Variants in PEX14 observed in about 807,000 individuals in gnomAD.
PEX14 encodes the protein peroxisomal biogenesis factor 14.
A neutral mutation model predicts 49.5 loss-of-function variants in PEX14; 15 were observed. The ratio of observed to expected loss-of-function variants is 0.30; its 90% confidence interval spans 0.20 to 0.47. PEX14 has a LOEUF of 0.47. Among genes scored for constraint, PEX14 ranks in the 20% least tolerant of loss-of-function variants. PEX14 has a pLI of 1.00. For synonymous variants in PEX14, 210 were observed against 212.7 expected, an observed-to-expected ratio of 0.99 and a Z score of 0.11; for missense variants, 398 against 494.8, an observed-to-expected ratio of 0.80 and a Z score of 1.86.
chr1:10,546,775 A>G (rs1232228234), intron 3 of PEX14, among the ~76,000 whole-genome samples: 1 of 149,932 alleles, frequency 6.7e-6, no homozygotes, highest in Non-Finnish European at 1.5e-5. Context: ...AGGCTGAGGC[A>G]GGAGAATGGC....
chr1:10,530,748 CT>C (rs1638627157), intron 2 of PEX14, among the ~76,000 whole-genome samples: 1 of 152,228 alleles, frequency 6.6e-6, no homozygotes, highest in African/African-American at 2.4e-5. Context: ...TTCTTTCTCC[CT>C]TTGAGGTTGC....
intron 3 of PEX14, among the ~76,000 whole-genome samples, chr1:10,594,019 G>A (rs755076861): frequency 1.3e-5 from 2 of 152,102 alleles, no homozygotes; most frequent in Non-Finnish European, 2.9e-5. Flanking sequence ...TTCCATTACT[G>A]TTAGTTTTTA....
At chr1:10,488,063 C>T (rs1212789466) in intron 1 of PEX14, among the ~76,000 whole-genome samples, 3 of 151,572 alleles carry the variant, frequency 2.0e-5, no homozygotes, top group Non-Finnish European at 4.4e-5. Flanking sequence ...TTTCAGGCAT[C>T]AGCCACTGTG....
At chr1:10,571,984 A>G (rs1296879622) in intron 3 of PEX14, among the ~76,000 whole-genome samples, 3 of 152,152 alleles carry the variant, frequency 2.0e-5, no homozygotes. Context: ...ATCTGGAAAA[A>G]TGGAAACAGA....
At chr1:10,554,133 CAAAAAA>C (rs33963510) in intron 3 of PEX14, among the ~76,000 whole-genome samples, 1 of 111,084 alleles carries the variant, frequency 9.0e-6, no homozygotes, top group Non-Finnish European at 1.8e-5. Flanking sequence ...ACTAAAAATA[CAAAAAA>C]AAAAAAAAAA....
chr1:10,622,894 G>A lies in PEX14; in HGVS notation c.385-125G>A, dbSNP rs560862342. 3.2e-4 allele frequency: 228 copies of A among 712,958 alleles called. 1 individual carries two copies. In the South Asian group the frequency reaches 3.3e-3, roughly 10 times the overall value. The allele number at this position is 712,958 out of a possible 1,614,324, so 44.2% of individuals were successfully genotyped here. ...TTTTCAAATATCTTGTTCATTTATG[G>A]TGTTTGCTTAGGGTTTCCAAAACCC... On this transcript the variant is annotated intron_variant, in intron 5 of 8. Transcript: ENST00000356607.
intron 2 of PEX14, among the ~76,000 whole-genome samples, chr1:10,518,267 A>G (rs1453914227): frequency 2.0e-5 from 3 of 152,150 alleles, no homozygotes; most frequent in East Asian, 1.9e-4. Context: ...GGGAGGGTTA[A>G]GGGTTAGATG....
At chr1:10,581,243 A>G (rs900516920) in intron 3 of PEX14, among the ~76,000 whole-genome samples, 1 of 151,940 alleles carries the variant, frequency 6.6e-6, no homozygotes, top group Non-Finnish European at 1.5e-5. Context: ...TGAGGGCAGA[A>G]TGAAACCTGT....
chr1:10,483,383 C>A (rs187823949), intron 1 of PEX14, among the ~76,000 whole-genome samples: 1 of 152,208 alleles, frequency 6.6e-6, no homozygotes, highest in East Asian at 1.9e-4. Flanking sequence ...GTGGTATGAT[C>A]TCGGCTTACT....
intron 1 of PEX14, among the ~76,000 whole-genome samples, chr1:10,484,193 A>T (rs917808019): frequency 2.0e-5 from 3 of 151,150 alleles, no homozygotes; most frequent in Admixed American, 2.0e-4. Flanking sequence ...ATGGCCGGCT[A>T]ATTGGCTAAT....
At chr1:10,502,216 T>C (rs1165749795) in intron 2 of PEX14, among the ~76,000 whole-genome samples, 2 of 152,154 alleles carry the variant, frequency 1.3e-5, no homozygotes, top group East Asian at 3.8e-4. Context: ...AAGAAAACGT[T>C]TTTAACACTA....
At position 10,495,407 on chromosome 1, in the gene PEX14, C is replaced by A; in HGVS notation, c.84+86C>A. On this transcript the variant is annotated intron_variant, in intron 2 of 8. Coordinates refer to ENST00000356607, the MANE Select transcript of PEX14 (RefSeq NM_004565.3). The surrounding 1 kb of genome is among the most constrained non-coding windows in gnomAD (Gnocchi z 4.2). The stretch of plus-strand genomic sequence containing the variant: ...GAAACCTTCTGTTCCTATGGTTCTG[C>A]GTCAGTAGTGTCCCTTTAAAAGTAG... The A allele has an allele frequency of 1.9e-6, 2 of 1,079,566 alleles. No homozygotes were observed. Among genetic ancestry groups the A allele is most frequent in the Non-Finnish European group, 2.8e-6 (2 of 712,244 alleles). 66.9% of individuals were successfully genotyped at this position (1,079,566 alleles called of 1,614,324 possible). A position where few individuals can be genotyped will look rare whatever the true frequency, so the allele number is the denominator to read the frequency against.
rs1641810567 is a variant in PEX14 at position 10,628,290 on chromosome 1, C to A, written c.677+927C>A. Among the ~76,000 whole-genome samples, 1 of 152,228 alleles carries A rather than the reference C, an allele frequency of 6.6e-6. No individual in the cohort carries two copies. Among genetic ancestry groups the A allele is most frequent in the African/African-American group, 2.4e-5 (1 of 41,466 alleles). ...TCCAGGAGCCACTCTGTCCTGGGAG[C>A]CGCAACTGTGGGCCATCCTCCTGGG... is the stretch of plus-strand genomic sequence containing the variant. On this transcript the variant is annotated intron_variant, in intron 8 of 8. Coordinates refer to ENST00000356607, the MANE Select transcript of PEX14 (RefSeq NM_004565.3). The surrounding 1 kb of genome is among the most constrained non-coding windows in gnomAD (Gnocchi z 4.5).
intron 1 of PEX14, among the ~76,000 whole-genome samples, chr1:10,479,608 G>A (rs1009144302): frequency 6.6e-6 from 1 of 152,158 alleles, no homozygotes; most frequent in Non-Finnish European, 1.5e-5. Context: ...ACTGAGTATC[G>A]AGTATTATTG....
At chr1:10,536,512 C>T (rs111430753) in intron 3 of PEX14, 9 of 571,838 alleles carry the variant, frequency 1.6e-5, no homozygotes, top group South Asian at 1.9e-5. Context: ...TAATTAAGCA[C>T]GGATGACTTA....
intron 1 of PEX14, among the ~76,000 whole-genome samples, chr1:10,487,481 C>CTTTTTTTTTTTTTTTTTTT (rs33968565): frequency 2.3e-5 from 2 of 86,756 alleles, no homozygotes; most frequent in African/African-American, 8.7e-5. Context: ...TTCTTTCTTT[C>CTTTTTTTTTTTTTTTTTTT]TTTTTTTTTT....
intron 4 of PEX14, among the ~76,000 whole-genome samples, chr1:10,609,151 A>G (rs892435833): frequency 6.6e-6 from 1 of 152,206 alleles, no homozygotes; most frequent in Non-Finnish European, 1.5e-5. Flanking sequence ...CATTTTGTCC[A>G]TCAGTTCAGC....
At chr1:10,559,012 T>G (rs1639574577) in intron 3 of PEX14, among the ~76,000 whole-genome samples, 1 of 152,210 alleles carries the variant, frequency 6.6e-6, no homozygotes, top group African/African-American at 2.4e-5. Flanking sequence ...GCTGTTGATT[T>G]CTGTGTTTTT....
At chr1:10,608,151 A>T (rs1641176231) in intron 4 of PEX14, among the ~76,000 whole-genome samples, 2 of 152,078 alleles carry the variant, frequency 1.3e-5, no homozygotes, top group Non-Finnish European at 2.9e-5. Flanking sequence ...TATTTTGTGG[A>T]GAGATGGGTT....
Sources: gnomAD v4.1 joint callset for allele counts (sites outside exome capture counted in the v4.1 genomes callset) on GRCh38, gnomAD v4.1.1 for gene constraint, Gnocchi (gnomAD v3.1) non-coding constraint, MANE v1.5 for transcripts, NCBI Gene and HGNC (gene_info 2026-07-23, HGNC 2026-07-21) for gene names.